Variants in SLC18B1 observed in about 807,000 individuals in gnomAD.
SLC18B1 encodes the protein solute carrier family 18 member B1.
SLC18B1 carries 62 observed loss-of-function variants against 53.9 expected under a neutral mutation model. The observed-to-expected ratio is 1.15, with a 90% CI of 0.94 to 1.42. The LOEUF is 1.42. Among genes scored for constraint, SLC18B1 ranks in the 40% most tolerant of loss-of-function variants. SLC18B1 has a pLI of 0.00. For missense variants in SLC18B1, 598 were observed against 547.3 expected (o/e 1.09, Z -0.93); for synonymous variants, 217 against 200.9 (o/e 1.08, Z -0.68).
chr6:132,778,015 A>G (rs1344839565), intron 7 of SLC18B1, among the ~76,000 whole-genome samples: 2 of 152,182 alleles, frequency 1.3e-5, no homozygotes, highest in African/African-American at 4.8e-5. Context: ...AAAGTGAGAT[A>G]GGCTTGGGGC....
chr6:132,777,145 G>C (rs1781118723), intron 7 of SLC18B1, among the ~76,000 whole-genome samples: 1 of 152,038 alleles, frequency 6.6e-6, no homozygotes, highest in South Asian at 2.1e-4. Context: ...CGAGGTGGAG[G>C]CAGGAGAATT....
intron 6 of SLC18B1, among the ~76,000 whole-genome samples, chr6:132,783,066 C>T (rs955266307): frequency 1.1e-4 from 17 of 152,202 alleles, no homozygotes; most frequent in South Asian, 4.1e-4. Flanking sequence ...TTAGCCACTG[C>T]GCCTAGCGAA....
At chr6:132,788,533 A>G (rs1244403294) in intron 4 of SLC18B1, among the ~76,000 whole-genome samples, 1 of 152,132 alleles carries the variant, frequency 6.6e-6, no homozygotes, top group Non-Finnish European at 1.5e-5. Flanking sequence ...TAGAATATGT[A>G]GAATCAGCCG....
intron 2 of SLC18B1, among the ~76,000 whole-genome samples, chr6:132,791,927 C>G (rs7738256): frequency 0.14 from 21,791 of 151,872 alleles, 3,206 homozygotes; most frequent in African/African-American, 0.38. Flanking sequence ...AGTCAATTAA[C>G]GCATAAGAAA....
In SLC18B1 at chr6:132,770,174, G is replaced by C; in HGVS notation, c.*96C>G. On this transcript the variant is annotated 3_prime_UTR_variant, in exon 14 of 14. Transcript: ENST00000275227. ...AAGACACTGGCACGGGGTCCACGGA[G>C]TTTTGCGCGTAAAATTTTAAAAACC... is the stretch of plus-strand genomic sequence containing the variant. The C allele has an allele frequency of 9.9e-7, 1 of 1,014,814 alleles. No individual in the cohort carries two copies. The highest frequency in any genetic ancestry group is 1.5e-6 in the Non-Finnish European group (1 of 650,546). 62.9% of individuals were successfully genotyped at this position (1,014,814 alleles called of 1,614,324 possible).
chr6:132,790,816 T>C (rs1404489432), intron 2 of SLC18B1, among the ~76,000 whole-genome samples: 1 of 152,180 alleles, frequency 6.6e-6, no homozygotes, highest in Non-Finnish European at 1.5e-5. Flanking sequence ...TTTTCCATCC[T>C]GTCATCAACA....
At chr6:132,795,950 C>T (rs1263959744) in intron 2 of SLC18B1, among the ~76,000 whole-genome samples, 2 of 152,064 alleles carry the variant, frequency 1.3e-5, no homozygotes, top group East Asian at 3.9e-4. Context: ...TGGTGGCTCA[C>T]GCCTGTTATC....
intron 2 of SLC18B1, among the ~76,000 whole-genome samples, chr6:132,794,722 T>G (rs1781628327): frequency 6.6e-6 from 1 of 152,202 alleles, no homozygotes; most frequent in African/African-American, 2.4e-5. Flanking sequence ...TTAGGCCAGG[T>G]GCGGTGGCTC....
chr6:132,787,448 C>A lies in SLC18B1; in HGVS notation c.487G>T (p.Val163Leu). 1.3e-6 allele frequency: 2 copies of A among 1,597,434 alleles called. 1 individual carries two copies. The part of the protein sequence containing the change: ...SILAKAFPNN[V>L]ATVLGSLETF... ...AAAATACATACCAATACCGTAGCCA[C>A]GTTATTTGGAAAAGCCTTTGCCAGG... Residue 163 changes from valine (V) to leucine (L), a missense_variant, in exon 5 of 14, where the codon GTG becomes TTG. Val to Leu is a conservative substitution (Grantham distance 32). Transcript: ENST00000275227.
intron 4 of SLC18B1, 33 bp downstream of exon 4, chr6:132,789,731 C>A: frequency 6.9e-7 from 1 of 1,452,982 alleles, no homozygotes. Flanking sequence ...AAAATCTGTT[C>A]AAGCTCCCAA....
rs1285563227 is a variant in SLC18B1 at position 132,779,355 on chromosome 6, T to G, written c.708A>C (p.Lys236Asn). ...TGATGACGAAGGCTATAAGGCCAAC[T>G]TTGGGTAAAGCGATCAGTTTCCAGA... ...HSFWKLIALP[K>N]VGLIAFVINS... Residue 236 changes from lysine (K) to asparagine (N), a missense_variant, in exon 7 of 14, where the codon AAA (lysine) becomes AAC (asparagine). Coordinates refer to ENST00000275227, the MANE Select transcript of SLC18B1 (RefSeq NM_052831.3). The G allele has an allele frequency of 1.2e-6, 2 of 1,613,882 alleles. No homozygotes were observed. The highest frequency in any genetic ancestry group is 1.7e-5 in the Admixed American group (1 of 60,012).
At chr6:132,771,199 T>C (rs760873971) in intron 11 of SLC18B1, 70 bp from the exon 12 acceptor site, 2 of 1,366,888 alleles carry the variant, frequency 1.5e-6, no homozygotes, top group Non-Finnish European at 2.1e-6. Flanking sequence ...AAAAGCTACA[T>C]GATCCTTCAA....
At position 132,770,208 on chromosome 6, in the gene SLC18B1, G is replaced by T. The variant is rs192910436; in HGVS notation, c.*62C>A. ...GTAAAATTTTAAAAACCCTTCCTAC[G>T]GTGATGTTTAAGGCCAGGAGCATTC... On this transcript the variant is annotated 3_prime_UTR_variant, in exon 14 of 14. Transcript: ENST00000275227. 1 of 1,388,410 alleles carries T rather than the reference G, an allele frequency of 7.2e-7. No homozygotes were observed. Among genetic ancestry groups the T allele is most frequent in the South Asian group, 1.2e-5 (1 of 83,958 alleles). 86.0% of individuals were successfully genotyped at this position (1,388,410 alleles called of 1,614,324 possible).
chr6:132,790,557 A>C (rs2294761), intron 2 of SLC18B1, among the ~76,000 whole-genome samples: 6,768 of 152,100 alleles, frequency 0.044, 212 homozygotes, highest in Middle Eastern at 0.054. Flanking sequence ...AAACAAACAC[A>C]AAAAAAATGC....
In SLC18B1 at chr6:132,798,611, G is replaced by A; in HGVS notation, c.-155C>T. The A allele has an allele frequency of 2.6e-6, 2 of 773,486 alleles. No homozygotes were observed. Among genetic ancestry groups the A allele is most frequent in the Non-Finnish European group, 3.7e-6 (2 of 541,514 alleles). The allele number at this position is 773,486 out of a possible 1,614,324, so 47.9% of individuals were successfully genotyped here. A position where few individuals can be genotyped will look rare whatever the true frequency, so the allele number is the denominator to read the frequency against. ...TGCAGGCAGCGATCCGCCCGGCCCGGAGCTCCCCAAAGCCTTCCAGGACTC... is the reference window on the plus strand; with the variant it reads ...TGCAGGCAGCGATCCGCCCGGCCCGAAGCTCCCCAAAGCCTTCCAGGACTC... On this transcript the variant is annotated 5_prime_UTR_variant, in exon 1 of 14. Transcript: ENST00000275227.
chr6:132,776,262 G>C (rs1170290192), intron 8 of SLC18B1, 66 bp downstream of exon 8: 2 of 1,256,910 alleles, frequency 1.6e-6, no homozygotes, highest in East Asian at 2.4e-5. Flanking sequence ...AGTTCCAAAG[G>C]AACAGTTGGA....
chr6:132,789,964 A>C, intron 3 of SLC18B1, 127 bp from the exon 4 acceptor site: 1 of 674,144 alleles, frequency 1.5e-6, no homozygotes, highest in Non-Finnish European at 2.5e-6. Flanking sequence ...TATTATAATA[A>C]TTCTTTAATA....
rs199514208 is a variant in SLC18B1, at chr6:132,770,964, T to C, written c.1255-25A>G. ...CCTTAAACACAATTAAAAGTACTGATTAATGTAAATTTTCCAAGTCAAGTT... is the reference window on the plus strand; with the variant it reads ...CCTTAAACACAATTAAAAGTACTGACTAATGTAAATTTTCCAAGTCAAGTT... On this transcript the variant is annotated intron_variant, in intron 12 of 13. Transcript: ENST00000275227. The C allele has an allele frequency of 1.8e-5, 29 of 1,611,892 alleles. No homozygotes were observed. In the East Asian group the frequency reaches 6.5e-4, roughly 36 times the overall value.
chr6:132,785,122 T>TCA, intron 5 of SLC18B1, among the ~76,000 whole-genome samples: 1 of 99,464 alleles, frequency 1.0e-5, no homozygotes, highest in East Asian at 2.3e-4. Flanking sequence ...TCTCTCAGTG[T>TCA]GTGTGTGTGT....
Sources: allele counts gnomAD v4.1 joint callset (sites outside exome capture counted in the v4.1 genomes callset), GRCh38; gene constraint gnomAD v4.1.1; transcripts MANE v1.5; gene names NCBI Gene and HGNC (gene_info 2026-07-23, HGNC 2026-07-21).